Variants in DAPK3 observed in about 807,000 individuals in gnomAD.
DAPK3 encodes the protein death associated protein kinase 3.
In DAPK3, 24 loss-of-function variants were observed where a neutral mutation model predicts 30.6. That is an observed-to-expected ratio of 0.78 (90% CI 0.57 to 1.10). DAPK3 has a LOEUF of 1.10. Ranked by LOEUF, DAPK3 falls within the 50% of genes least tolerant of loss-of-function variation. The pLI is 0.00. For missense variants in DAPK3, 629 were observed against 657.3 expected, an observed-to-expected ratio of 0.96 and a Z score of 0.47; for synonymous variants, 341 against 284.0, an observed-to-expected ratio of 1.20 and a Z score of -2.02.
In DAPK3 at chr19:3,959,163, G is replaced by A. The variant is rs774254988; in HGVS notation, c.1303C>T (p.Gln435Ter). Residue 435 changes from glutamine to a stop codon, truncating the protein, a stop_gained, in exon 9 of 9, where the codon CAG becomes TAG. Transcript: ENST00000545797. LOFTEE classifies it high-confidence loss of function. ...KQVASEMRFV[Q>*]DLVRALEQEK... ...TGCTCCAGGGCGCGCACGAGGTCCT[G>A]CACGAAGCGCATCTCGGAGGCTACT... 1 of 1,594,322 alleles carries A rather than the reference G, an allele frequency of 6.3e-7. No individual in the cohort carries two copies. Among genetic ancestry groups the A allele is most frequent in the Admixed American group, 1.7e-5 (1 of 59,004 alleles).
Position 3,961,176 on chromosome 19 carries a change from T to TG in DAPK3, c.630-16dup, listed in dbSNP as rs753943254. On this transcript the variant is annotated splice_polypyrimidine_tract_variant and intron_variant, in intron 6 of 8. Transcript: ENST00000545797. ...CACCGCTCAGGCTGCGAGACAGGCG[T>TG]GGGGGCTCAGTGGGGTCCTGGGCTC... The TG allele has an allele frequency of 1.7e-5, 28 of 1,607,008 alleles. No homozygotes were observed. The Admixed American group carries it at 4.0e-4, about 23-fold the overall frequency.
At chr19:3,964,460 CG>C (rs368569460) in intron 3 of DAPK3, 87 bp from the exon 4 acceptor site, 12,629 of 951,564 alleles carry the variant, frequency 0.013, 166 homozygotes, top group Non-Finnish European at 0.015. Flanking sequence ...TCACGCTCCC[CG>C]CAACCTCACC....
rs990270962 is a variant in DAPK3 at position 3,961,317 on chromosome 19, G to A, written c.630-156C>T. 10 of 735,358 alleles carry A rather than the reference G, an allele frequency of 1.4e-5. 1 individual carries two copies. Among genetic ancestry groups the A allele is most frequent in the Middle Eastern group, 2.3e-4 (1 of 4,268 alleles). The allele number at this position is 735,358 out of a possible 1,614,324, so 45.6% of individuals were successfully genotyped here. A position where few individuals can be genotyped will look rare whatever the true frequency, so the allele number is the denominator to read the frequency against. On this transcript the variant is annotated intron_variant, in intron 6 of 8. Transcript: ENST00000545797. ...TGAGCCCTTAGAACCTTCCTGCAAC[G>A]ATCCCAGACACCACCCAAGAGGCAT...
chr19:3,966,595 G>C (rs375687644), intron 2 of DAPK3, among the ~76,000 whole-genome samples: 3 of 152,324 alleles, frequency 2.0e-5, no homozygotes, highest in East Asian at 3.9e-4. Flanking sequence ...CACTGCGGGT[G>C]GCACATAAGC....
At chr19:3,962,058 C>T (rs1001670860) in intron 6 of DAPK3, among the ~76,000 whole-genome samples, 4 of 152,140 alleles carry the variant, frequency 2.6e-5, no homozygotes, top group African/African-American at 9.7e-5. Flanking sequence ...ATGGTTTCAT[C>T]GTGTTAGCCA....
chr19:3,959,363 C>CGGTACCAGGCCTCCTTCTCCTCGTAGAT lies in DAPK3; in HGVS notation c.1075_1102dup (p.Arg368HisfsTer218). The CGGTACCAGGCCTCCTTCTCCTCGTAGAT allele has an allele frequency of 6.3e-7, 1 of 1,583,226 alleles. No individual in the cohort carries two copies. Among genetic ancestry groups the CGGTACCAGGCCTCCTTCTCCTCGTAGAT allele is most frequent in the Non-Finnish European group, 8.5e-7 (1 of 1,172,390 alleles). Reference sequence around the variant, plus strand: ...CTGGCCCAGGCTGTCGCTCTCCTCGCGGTACCAGGCCTCCTTCTCCTCGTA... The same window carrying CGGTACCAGGCCTCCTTCTCCTCGTAGAT: ...CTGGCCCAGGCTGTCGCTCTCCTCGCGGTACCAGGCCTCCTTCTCCTCGTAGATGGTACCAGGCCTCCTTCTCCTCGTA... On this transcript the variant is annotated frameshift_variant, in exon 9 of 9. Coordinates refer to ENST00000545797, the MANE Select transcript of DAPK3 (RefSeq NM_001348.3). LOFTEE classifies it low-confidence loss of function (END_TRUNC).
chr19:3,958,851 A>T lies in DAPK3; in HGVS notation c.*250T>A. On this transcript the variant is annotated 3_prime_UTR_variant, in exon 9 of 9. Coordinates refer to ENST00000545797, the MANE Select transcript of DAPK3 (RefSeq NM_001348.3). The stretch of plus-strand genomic sequence containing the variant: ...CAGGCCACGCTGCCTGGAGGGTCCC[A>T]GGGTCACCGACGATGCAGGGGTGAA... 1.7e-6 allele frequency: 1 copy of T among 580,856 alleles called. No individual in the cohort carries two copies. The highest frequency in any genetic ancestry group is 3.1e-6 in the Non-Finnish European group (1 of 326,332). 36.0% of individuals were successfully genotyped at this position (580,856 alleles called of 1,614,324 possible).
intron 2 of DAPK3, among the ~76,000 whole-genome samples, chr19:3,969,112 C>A (rs2039608989): frequency 6.6e-6 from 1 of 152,158 alleles, no homozygotes; most frequent in African/African-American, 2.4e-5. Flanking sequence ...AAGTGCCTCC[C>A]ACAAAAGAGG....
At chr19:3,968,526 G>A (rs1164182322) in intron 2 of DAPK3, among the ~76,000 whole-genome samples, 1 of 152,026 alleles carries the variant, frequency 6.6e-6, no homozygotes, top group Non-Finnish European at 1.5e-5. Flanking sequence ...AACTACCCCA[G>A]TCTTAAGTCA....
chr19:3,965,122 T>A (rs961307684), intron 2 of DAPK3, 131 bp from the exon 3 acceptor site: 1 of 618,672 alleles, frequency 1.6e-6, no homozygotes, highest in Non-Finnish European at 2.9e-6. Context: ...GGACATGAGC[T>A]GGCCACTGCG....
chr19:3,967,166 G>A (rs1021952839), intron 2 of DAPK3, among the ~76,000 whole-genome samples: 2 of 152,322 alleles, frequency 1.3e-5, no homozygotes, highest in East Asian at 3.9e-4. Flanking sequence ...ATGCGGGCTG[G>A]GAAGCCGGGC....
rs781570365 is a variant in DAPK3, at chr19:3,959,631, G to A, written c.835C>T (p.Arg279Trp). 24 of 1,577,520 alleles carry A rather than the reference G, an allele frequency of 1.5e-5. No individual in the cohort carries two copies. Among genetic ancestry groups the A allele is most frequent in the South Asian group, 3.4e-5 (3 of 88,302 alleles). Residue 279 changes from arginine (R) to tryptophan (W), a missense_variant, in exon 9 of 9, where the codon CGG becomes TGG. Physicochemically the swap from Arg to Trp is moderately radical, Grantham distance 101. This residue lies in a region of DAPK3 where 323 missense variants were observed against 278.8 expected (regional missense o/e 1.16). Transcript: ENST00000545797. ...SLEHSWIKAI[R>W]RRNVRGEDSG... is the part of the protein sequence containing the mutation. The stretch of plus-strand genomic sequence containing the variant: ...TCCTCACCACGCACGTTCCGCCGCC[G>A]GATCGCCTAGGAAGGAGGGAAGCCT...
chr19:3,969,602 G>C, intron 2 of DAPK3, 72 bp downstream of exon 2: 1 of 939,094 alleles, frequency 1.1e-6, no homozygotes, highest in Non-Finnish European at 1.7e-6. Flanking sequence ...GGAAAGGAGA[G>C]CTGCTGTTCA....
chr19:3,961,504 C>T (rs1271088453), intron 6 of DAPK3: 3 of 534,798 alleles, frequency 5.6e-6, no homozygotes, highest in Admixed American at 2.0e-5. Context: ...CGAGCCAACA[C>T]CTTAGCCAAA....
In DAPK3 at chr19:3,958,808, C is replaced by T. The variant is rs2039468406; in HGVS notation, c.*293G>A. ...GGCCGCCTCTGCGCCTCGGTGGGTCCCAACCCTCACGGTGCCACAGGCCAC... is the reference window on the plus strand; with the variant it reads ...GGCCGCCTCTGCGCCTCGGTGGGTCTCAACCCTCACGGTGCCACAGGCCAC... On this transcript the variant is annotated 3_prime_UTR_variant, in exon 9 of 9. Transcript: ENST00000545797. The T allele has an allele frequency of 5.3e-6, 3 of 565,542 alleles. No individual in the cohort carries two copies. The highest frequency in any genetic ancestry group is 3.8e-5 in the African/African-American group (2 of 52,838). The allele number at this position is 565,542 out of a possible 1,614,324, so 35.0% of individuals were successfully genotyped here. A position where few individuals can be genotyped will look rare whatever the true frequency, so the allele number is the denominator to read the frequency against.
rs1254923576 is a variant in DAPK3, at chr19:3,959,530, G to A, written c.936C>T (p.Ser312=). 6 of 1,574,082 alleles carry A rather than the reference G, an allele frequency of 3.8e-6. No homozygotes were observed. The highest frequency in any genetic ancestry group is 5.1e-6 in the Non-Finnish European group (6 of 1,168,504). ...LKEYTIKSHS[S]LPPNNSYADF... ...CGGCGTAGCTGTTGTTGGGCGGCAAGCTGGAGTGCGACTTGATGGTGTACT... is the reference window on the plus strand; with the variant it reads ...CGGCGTAGCTGTTGTTGGGCGGCAAACTGGAGTGCGACTTGATGGTGTACT... The change falls in exon 9 of 9, where the codon AGC becomes AGT. Residue 312 remains serine (S), a synonymous_variant. Coordinates refer to ENST00000545797, the MANE Select transcript of DAPK3 (RefSeq NM_001348.3).
chr19:3,969,664 G>A lies in DAPK3; in HGVS notation c.62+10C>T, dbSNP rs562569363. 3.1e-6 allele frequency: 5 copies of A among 1,591,852 alleles called. No homozygotes were observed. In the African/African-American group the frequency reaches 4.0e-5, roughly 13 times the overall value. ...TCCCTGGAGCCCAGCCGTGCGGGCA[G>A]ACAGCTCACCTGCCCAGCTCCTCCC... On this transcript the variant is annotated intron_variant, in intron 2 of 8. Coordinates refer to ENST00000545797, the MANE Select transcript of DAPK3 (RefSeq NM_001348.3).
Position 3,964,060 on chromosome 19 carries a change from G to GAC in DAPK3, c.554-143_554-142dup, listed in dbSNP as rs2039547652. ...GCGGCAGAGCTGGCCCTCAGGGCCT[G>GAC]ACGGGTAGGACAGCGGGGCTGCACC... On this transcript the variant is annotated intron_variant, in intron 4 of 8. Coordinates refer to ENST00000545797, the MANE Select transcript of DAPK3 (RefSeq NM_001348.3). 3 of 800,766 alleles carry GAC rather than the reference G, an allele frequency of 3.7e-6. No individual in the cohort carries two copies. In the South Asian group the frequency reaches 4.9e-5, roughly 13 times the overall value. 49.6% of individuals were successfully genotyped at this position (800,766 alleles called of 1,614,324 possible).
In DAPK3 at chr19:3,963,852, G is replaced by A. The variant is rs2039545295; in HGVS notation, c.602+19C>T. On this transcript the variant is annotated intron_variant, in intron 5 of 8. Coordinates refer to ENST00000545797, the MANE Select transcript of DAPK3 (RefSeq NM_001348.3). Reference sequence around the variant, plus strand: ...CCAGGAATGCAGGGAGGCCCGGTGGGAGCAGGTGGTACACTCACCACATGT... The same window carrying A: ...CCAGGAATGCAGGGAGGCCCGGTGGAAGCAGGTGGTACACTCACCACATGT... The A allele has an allele frequency of 6.5e-7, 1 of 1,540,854 alleles. No homozygotes were observed. The highest frequency in any genetic ancestry group is 1.4e-5 in the African/African-American group (1 of 73,232).
Sources: gnomAD v4.1 joint callset for allele counts (sites outside exome capture counted in the v4.1 genomes callset) on GRCh38, gnomAD v4.1.1 for gene constraint, gnomAD v4.1.1 regional missense constraint, MANE v1.5 for transcripts, NCBI Gene and HGNC (gene_info 2026-07-23, HGNC 2026-07-21) for gene names.